The following ZPBP variants were observed in gnomAD, a reference collection of about 807,000 sequenced individuals.
ZPBP encodes the protein zona pellucida-binding protein 1.
Under a neutral mutation model 44.8 loss-of-function variants are expected in ZPBP, and 26 were observed. That is an observed-to-expected ratio of 0.58 (90% confidence interval 0.43 to 0.81). The LOEUF (loss-of-function observed/expected upper bound fraction) is 0.81. Among genes scored for constraint, ZPBP ranks in the 30% least tolerant of loss-of-function variants. The probability of loss-of-function intolerance (pLI) is 0.00; values close to 1 mark genes in which losing one functional copy is unlikely to be tolerated. For missense variants in ZPBP, 409 were observed against 434.0 expected (o/e 0.94, Z 0.51); for synonymous variants, 174 against 153.2 (o/e 1.14, Z -1.00).
intron 7 of ZPBP, among the ~76,000 whole-genome samples, chr7:49,975,412 T>C (rs1796466441): frequency 6.6e-6 from 1 of 152,006 alleles, no homozygotes; most frequent in South Asian, 2.1e-4. Flanking sequence ...TTTTGGAGGG[T>C]CAAGGAGCTC....
chr7:50,003,432 C>A (rs902948109), intron 6 of ZPBP, among the ~76,000 whole-genome samples: 1 of 152,216 alleles, frequency 6.6e-6, no homozygotes, highest in African/African-American at 2.4e-5. Flanking sequence ...CACCTCACCT[C>A]CAGTGGCACA....
At chr7:50,090,606 TA>T (rs1802928795) in intron 1 of ZPBP, among the ~76,000 whole-genome samples, 1 of 4,520 alleles carries the variant, frequency 2.2e-4, no homozygotes, top group Admixed American at 2.8e-3. Context: ...TATATATGCG[TA>T]TATATGTGTA....
chr7:49,931,456 G>C (rs1171283314), intron 1 of ZPBP, among the ~76,000 whole-genome samples: 1 of 152,190 alleles, frequency 6.6e-6, no homozygotes, highest in Non-Finnish European at 1.5e-5. Flanking sequence ...GAGCTTGTTG[G>C]AAACTGGAGT....
chr7:49,899,113 A>G (rs564089368), intron 2 of ZPBP, among the ~76,000 whole-genome samples: 18 of 152,178 alleles, frequency 1.2e-4, no homozygotes, highest in Admixed American at 1.2e-3. Context: ...AGACACATAG[A>G]CTATCCCCCC....
chr7:49,965,976 T>C (rs1341013579), intron 7 of ZPBP, among the ~76,000 whole-genome samples: 1 of 151,930 alleles, frequency 6.6e-6, no homozygotes, highest in African/African-American at 2.4e-5. Flanking sequence ...AGTGACAATA[T>C]TAAGATTAGA....
chr7:49,856,041 T>C (rs1245291368), intron 2 of ZPBP, among the ~76,000 whole-genome samples: 5 of 152,170 alleles, frequency 3.3e-5, no homozygotes, highest in Non-Finnish European at 7.4e-5. Flanking sequence ...TTCAGGTATA[T>C]AAGGCTGCCT....
At chr7:49,908,530 A>G (rs1793227126) in intron 1 of ZPBP, among the ~76,000 whole-genome samples, 1 of 152,192 alleles carries the variant, frequency 6.6e-6, no homozygotes, top group Admixed American at 6.5e-5. Context: ...ATTATAATTA[A>G]TATTATGAAT....
At chr7:50,054,262 CAA>C (rs5884137) in intron 4 of ZPBP, among the ~76,000 whole-genome samples, 1 of 148,310 alleles carries the variant, frequency 6.7e-6, no homozygotes, top group South Asian at 2.1e-4. Context: ...GCTCTCATTA[CAA>C]AAAAAAAATT....
intron 2 of ZPBP, among the ~76,000 whole-genome samples, chr7:49,870,177 G>A (rs1052155394): frequency 6.6e-6 from 1 of 152,140 alleles, no homozygotes; most frequent in Admixed American, 6.5e-5. Context: ...GAGGTGGGCG[G>A]ATCACGAGGT....
chr7:49,843,704 T>G, the ZPBP span, among the ~76,000 whole-genome samples: 1 of 152,048 alleles, frequency 6.6e-6, no homozygotes, highest in African/African-American at 2.4e-5. Context: ...ACAGCTGAGG[T>G]CTATTAGAGA....
chr7:49,900,775 A>T (rs184732694), intron 2 of ZPBP, among the ~76,000 whole-genome samples: 1 of 151,930 alleles, frequency 6.6e-6, no homozygotes, highest in African/African-American at 2.4e-5. Flanking sequence ...TTTCAGCGTT[A>T]CCCTATTACC....
intron 3 of ZPBP, among the ~76,000 whole-genome samples, chr7:50,067,118 A>T (rs565133225): frequency 6.6e-6 from 1 of 152,288 alleles, no homozygotes; most frequent in African/African-American, 2.4e-5. Flanking sequence ...TGTTAGACTT[A>T]CACGCATTTT....
intron 1 of ZPBP, among the ~76,000 whole-genome samples, chr7:49,925,474 G>A (rs1794201868): frequency 6.6e-6 from 1 of 152,174 alleles, no homozygotes; most frequent in South Asian, 2.1e-4. Context: ...GGGTGCATAT[G>A]TCACTCCATC....
At chr7:49,911,422 C>A in intron 1 of ZPBP, among the ~76,000 whole-genome samples, 1 of 130,794 alleles carries the variant, frequency 7.6e-6, no homozygotes. Context: ...GCAGAGGTTG[C>A]AGTGAGCCGA....
intron 4 of ZPBP, among the ~76,000 whole-genome samples, chr7:50,039,072 T>A (rs915537526): frequency 1.3e-5 from 2 of 152,068 alleles, no homozygotes; most frequent in Non-Finnish European, 2.9e-5. Context: ...GGACATATAC[T>A]GGAAAAAGGG....
intron 7 of ZPBP, among the ~76,000 whole-genome samples, chr7:49,953,379 T>C (rs934750514): frequency 1.3e-5 from 2 of 152,132 alleles, no homozygotes; most frequent in East Asian, 1.9e-4. Flanking sequence ...ATAGAGGGAA[T>C]AGTGCCTGGC....
chr7:49,892,293 G>A (rs943555264), intron 2 of ZPBP, among the ~76,000 whole-genome samples: 4 of 151,914 alleles, frequency 2.6e-5, no homozygotes, highest in Admixed American at 1.3e-4. Flanking sequence ...TGATCTGCCC[G>A]CCTCGGCCTC....
chr7:50,050,161 G>A (rs1358406589), intron 4 of ZPBP, among the ~76,000 whole-genome samples: 2 of 151,970 alleles, frequency 1.3e-5, no homozygotes, highest in Non-Finnish European at 2.9e-5. Flanking sequence ...AGTATAGGAA[G>A]GATGCAATTC....
In ZPBP at chr7:49,925,264, A is replaced by C. The variant is rs1794192478; in HGVS notation, n.411+10487T>G. Among the ~76,000 whole-genome samples the C allele has an allele frequency of 2.6e-5, 4 of 152,212 alleles. No homozygotes were observed. The South Asian group carries it at 8.3e-4, about 31-fold the overall frequency. On this transcript the variant is annotated intron_variant and non_coding_transcript_variant, in intron 1 of 2. Transcript: ENST00000465922. Reference sequence around the variant, plus strand: ...ACAGATATAGTATGCACACACACACAGTGAGTACGTATACATCCCTGTAAA... The same window carrying C: ...ACAGATATAGTATGCACACACACACCGTGAGTACGTATACATCCCTGTAAA...
Sources: allele counts gnomAD v4.1 joint callset (sites outside exome capture counted in the v4.1 genomes callset), GRCh38; gene constraint gnomAD v4.1.1; transcripts MANE v1.5; gene names NCBI Gene and HGNC (gene_info 2026-07-23, HGNC 2026-07-21).